SPRY4: variants seen among roughly 807,000 people sequenced by gnomAD.
SPRY4 encodes the protein sprouty RTK signaling antagonist 4.
In SPRY4, 7 loss-of-function variants were observed where a neutral mutation model predicts 17.0. The observed-to-expected ratio is 0.41, with a 90% CI of 0.23 to 0.77. SPRY4 has a LOEUF of 0.77. Among genes scored for constraint, SPRY4 ranks in the 30% least tolerant of loss-of-function variants. The pLI, the probability that SPRY4 is intolerant of heterozygous loss-of-function variation, is 0.32. For missense variants in SPRY4, 435 were observed against 419.9 expected, an observed-to-expected ratio of 1.04 and a Z score of -0.31; for synonymous variants, 183 against 174.1, an observed-to-expected ratio of 1.05 and a Z score of -0.40.
At chr5:142,320,171 A>G (rs6891546) in intron 1 of SPRY4, among the ~76,000 whole-genome samples, 1,847 of 152,290 alleles carry the variant, frequency 0.012, 42 homozygotes, top group African/African-American at 0.042. Context: ...TTATTGCTTT[A>G]AAAGGACTTT....
Position 142,314,106 on chromosome 5 carries a change from G to T in SPRY4, c.*103C>A. On this transcript the variant is annotated 3_prime_UTR_variant, in exon 2 of 2. Transcript: ENST00000434127. This position sits in a 1 kb window ranked among gnomAD's most constrained non-coding sequence, Gnocchi z 4.8. ...GGTAGGGAGTGGGCAGACTAGCAAG[G>T]TCAGCCTCAGGAGGCTAAAACCTCT... 1 of 1,272,986 alleles carries T rather than the reference G, an allele frequency of 7.9e-7. No homozygotes were observed. Among genetic ancestry groups the T allele is most frequent in the Non-Finnish European group, 1.1e-6 (1 of 937,804 alleles). The allele number at this position is 1,272,986 out of a possible 1,614,324, so 78.9% of individuals were successfully genotyped here. A position where few individuals can be genotyped will look rare whatever the true frequency, so the allele number is the denominator to read the frequency against.
Position 142,314,041 on chromosome 5 carries a change from A to T in SPRY4, c.*168T>A. 1.5e-6 allele frequency: 1 copy of T among 687,344 alleles called. No individual in the cohort carries two copies. Among genetic ancestry groups the T allele is most frequent in the Non-Finnish European group, 2.4e-6 (1 of 419,672 alleles). The allele number at this position is 687,344 out of a possible 1,614,324, so 42.6% of individuals were successfully genotyped here. On this transcript the variant is annotated 3_prime_UTR_variant, in exon 2 of 2. Transcript: ENST00000434127. This position sits in a 1 kb window ranked among gnomAD's most constrained non-coding sequence, Gnocchi z 4.8. ...GCTTCTTCATCACCTTGGGGAATAC[A>T]GGGTACGTGGTGGTGGTCTCTGTAT... is the stretch of plus-strand genomic sequence containing the variant.
At chr5:142,320,767 C>T (rs1477564814) in intron 1 of SPRY4, among the ~76,000 whole-genome samples, 1 of 152,130 alleles carries the variant, frequency 6.6e-6, no homozygotes, top group African/African-American at 2.4e-5. Context: ...ACACTAAGAT[C>T]TTATTATTTG....
rs139512218 is a variant in SPRY4 at position 142,314,456 on chromosome 5, G to T, written c.653C>A (p.Ser218Tyr). 6.3e-3 allele frequency: 10,089 copies of T among 1,614,168 alleles called. 37 individuals are homozygous for T. The highest frequency in any genetic ancestry group is 7.5e-3 in the Non-Finnish European group (8,838 of 1,180,028). The change falls in exon 2 of 2, where the codon TCC becomes TAC. Residue 218 changes from serine (S) to tyrosine (Y), a missense_variant. By Grantham distance (144) the Ser-to-Tyr change is moderately radical. Coordinates refer to ENST00000434127, the MANE Select transcript of SPRY4 (RefSeq NM_001127496.3). The surrounding 1 kb of genome is among the most constrained non-coding windows in gnomAD (Gnocchi z 4.8). The part of the protein sequence containing the change: ...YHCTNEDDEG[S>Y]CADHPCSCSR... Reference sequence around the variant, plus strand: ...GCAGGAGCAGGGGTGGTCAGCGCAGGAGCCCTCATCGTCCTCATTCGTGCA... The same window carrying T: ...GCAGGAGCAGGGGTGGTCAGCGCAGTAGCCCTCATCGTCCTCATTCGTGCA...
Position 142,314,617 on chromosome 5 carries a change from C to G in SPRY4, c.492G>C (p.Lys164Asn). The change falls in exon 2 of 2, where the codon AAG (lysine) becomes AAC (asparagine). Residue 164 changes from lysine to asparagine, a missense_variant. Physicochemically the swap from Lys to Asn is moderately conservative, Grantham distance 94 (BLOSUM62 0). Coordinates refer to ENST00000434127, the MANE Select transcript of SPRY4 (RefSeq NM_001127496.3). The surrounding 1 kb of genome is among the most constrained non-coding windows in gnomAD (Gnocchi z 4.8). ...KHFLLCEACG[K>N]CKCKECASPR... The stretch of plus-strand genomic sequence containing the variant: ...GGGATGCACACTCCTTGCATTTACA[C>G]TTCCCACAGGCCTCGCACAGCAAGA... The G allele has an allele frequency of 6.2e-7, 1 of 1,614,250 alleles. No individual in the cohort carries two copies. The highest frequency in any genetic ancestry group is 8.5e-7 in the Non-Finnish European group (1 of 1,180,034).
At chr5:142,317,670 T>C (rs1237858808) in intron 1 of SPRY4, 1 of 984,552 alleles carries the variant, frequency 1.0e-6, no homozygotes, top group African/African-American at 1.8e-5. Context: ...GCCCATGTCC[T>C]ACAGATAAAG....
At position 142,311,291 on chromosome 5, in the gene SPRY4, C is replaced by T. The variant is rs980929563; in HGVS notation, c.*2918G>A. On this transcript the variant is annotated 3_prime_UTR_variant, in exon 2 of 2. Coordinates refer to ENST00000434127, the MANE Select transcript of SPRY4 (RefSeq NM_001127496.3). ...CTTCATTAACACGGGCAGCCAGAGC[C>T]CCCTAGAAGCGTCCTGGATCCCAGG... 16 of 152,198 alleles carry T rather than the reference C, an allele frequency of 1.1e-4. No individual in the cohort carries two copies. Among genetic ancestry groups the T allele is most frequent in the African/African-American group, 3.9e-4 (16 of 41,450 alleles). The allele number at this position is 152,198 out of a possible 1,614,324, so 9.4% of individuals were successfully genotyped here. A position where few individuals can be genotyped will look rare whatever the true frequency, so the allele number is the denominator to read the frequency against.
intron 1 of SPRY4, among the ~76,000 whole-genome samples, chr5:142,322,920 T>C (rs927949615): frequency 3.9e-5 from 6 of 152,068 alleles, no homozygotes; most frequent in African/African-American, 1.4e-4. Flanking sequence ...AGAGGAAATG[T>C]GATTTCACAC....
At chr5:142,315,558 C>G (rs1252451159) in intron 1 of SPRY4, 2 of 176,244 alleles carry the variant, frequency 1.1e-5, no homozygotes, top group Admixed American at 1.1e-4. Flanking sequence ...AGTTCATTCT[C>G]TTAGTCACTG....
chr5:142,317,565 G>A, intron 1 of SPRY4: 1 of 984,900 alleles, frequency 1.0e-6, no homozygotes, highest in Non-Finnish European at 1.2e-6. Flanking sequence ...CCAGGATTGG[G>A]TCTGGTCATG....
Position 142,314,144 on chromosome 5 carries a change from G to A in SPRY4, c.*65C>T, listed in dbSNP as rs1596862764. The stretch of plus-strand genomic sequence containing the variant: ...GGCTAAAACCTCTGACCTTGCTGCA[G>A]TCTTCTTAGATGTCAGAAGAGAACC... On this transcript the variant is annotated 3_prime_UTR_variant, in exon 2 of 2. Coordinates refer to ENST00000434127, the MANE Select transcript of SPRY4 (RefSeq NM_001127496.3). The surrounding 1 kb of genome is among the most constrained non-coding windows in gnomAD (Gnocchi z 4.8). 2 of 1,501,550 alleles carry A rather than the reference G, an allele frequency of 1.3e-6. No homozygotes were observed. Among genetic ancestry groups the A allele is most frequent in the South Asian group, 1.3e-5 (1 of 78,456 alleles). 93.0% of individuals were successfully genotyped at this position (1,501,550 alleles called of 1,614,324 possible).
At position 142,312,266 on chromosome 5, in the gene SPRY4, A is replaced by C. The variant is rs1596859806; in HGVS notation, c.*1943T>G. ...CTGAAATGTTCAAGAACATCCATAC[A>C]TCCGTCACAACTGTGGCAAGGGTAG... On this transcript the variant is annotated 3_prime_UTR_variant, in exon 2 of 2. Coordinates refer to ENST00000434127, the MANE Select transcript of SPRY4 (RefSeq NM_001127496.3). 2 of 152,700 alleles carry C rather than the reference A, an allele frequency of 1.3e-5. No homozygotes were observed. The highest frequency in any genetic ancestry group is 4.8e-5 in the African/African-American group (2 of 41,556). The allele number at this position is 152,700 out of a possible 1,614,324, so 9.5% of individuals were successfully genotyped here.
chr5:142,314,396 A>G lies in SPRY4; in HGVS notation c.713T>C (p.Met238Thr). ...RSNCCARWSF[M>T]GALSVVLPCL... Reference sequence around the variant, plus strand: ...GGGCAGCACCACGGAGAGAGCACCCATGAAGGACCAGCGGGCGCAGCAGTT... The same window carrying G: ...GGGCAGCACCACGGAGAGAGCACCCGTGAAGGACCAGCGGGCGCAGCAGTT... The change falls in exon 2 of 2, where the codon ATG becomes ACG. Residue 238 changes from methionine to threonine, a missense_variant. Coordinates refer to ENST00000434127, the MANE Select transcript of SPRY4 (RefSeq NM_001127496.3). This position sits in a 1 kb window ranked among gnomAD's most constrained non-coding sequence, Gnocchi z 4.8. 6.2e-7 allele frequency: 1 copy of G among 1,614,042 alleles called. No individual in the cohort carries two copies. Among genetic ancestry groups the G allele is most frequent in the Non-Finnish European group, 8.5e-7 (1 of 1,179,944 alleles).
intron 1 of SPRY4, among the ~76,000 whole-genome samples, chr5:142,323,040 TA>T (rs397882276): frequency 0.069 from 8,206 of 119,430 alleles, 206 homozygotes; most frequent in Middle Eastern, 0.15. Context: ...ACACCCGCCC[TA>T]AAAAAAAAAA....
At position 142,315,146 on chromosome 5, in the gene SPRY4, T is replaced by C. The variant is rs1443321132; in HGVS notation, c.-38A>G. 6.3e-7 allele frequency: 1 copy of C among 1,590,134 alleles called. No individual in the cohort carries two copies. Among genetic ancestry groups the C allele is most frequent in the Non-Finnish European group, 8.5e-7 (1 of 1,171,984 alleles). On this transcript the variant is annotated 5_prime_UTR_variant, in exon 2 of 2. Transcript: ENST00000434127. ...CCTGGACTGTACGGAGAAACAGGCT[T>C]CTAGGGGCCCTGGGGGTGGGGTGGG... is the stretch of plus-strand genomic sequence containing the variant.
chr5:142,322,483 A>AAAAAAAT (rs79291595), intron 1 of SPRY4, among the ~76,000 whole-genome samples: 2 of 117,526 alleles, frequency 1.7e-5, no homozygotes, highest in African/African-American at 5.4e-5. Flanking sequence ...AAAAAAAAAA[A>AAAAAAAT]ATATATATAT....
chr5:142,319,405 C>T (rs181132715), intron 1 of SPRY4, among the ~76,000 whole-genome samples: 205 of 152,288 alleles, frequency 1.3e-3, no homozygotes, highest in Admixed American at 0.011. Flanking sequence ...TGCCATCCCC[C>T]GTCTTAAAAG....
In SPRY4 at chr5:142,313,727, A is replaced by T. The variant is rs1759012422; in HGVS notation, c.*482T>A. The T allele has an allele frequency of 6.1e-6, 1 of 162,988 alleles. No homozygotes were observed. Among genetic ancestry groups the T allele is most frequent in the Non-Finnish European group, 1.4e-5 (1 of 73,772 alleles). 10.1% of individuals were successfully genotyped at this position (162,988 alleles called of 1,614,324 possible). On this transcript the variant is annotated 3_prime_UTR_variant, in exon 2 of 2. Coordinates refer to ENST00000434127, the MANE Select transcript of SPRY4 (RefSeq NM_001127496.3). Reference sequence around the variant, plus strand: ...GGGGAAGGAGAAGAAGGTATAGAAGACTCCAAGGGTCTTCTTTAAAGGTAC... The same window carrying T: ...GGGGAAGGAGAAGAAGGTATAGAAGTCTCCAAGGGTCTTCTTTAAAGGTAC...
At chr5:142,315,238 G>T in intron 1 of SPRY4, 83 bp from the exon 2 acceptor site, 1 of 886,556 alleles carries the variant, frequency 1.1e-6, no homozygotes, top group Non-Finnish European at 1.7e-6. Context: ...CCCCCATCAG[G>T]TCCTTGGGAG....
Sources: gnomAD v4.1 joint callset for allele counts (sites outside exome capture counted in the v4.1 genomes callset) on GRCh38, gnomAD v4.1.1 for gene constraint, Gnocchi (gnomAD v3.1) non-coding constraint, MANE v1.5 for transcripts, NCBI Gene and HGNC (gene_info 2026-07-23, HGNC 2026-07-21) for gene names.